The following B3GNT4 variants were observed in gnomAD, a reference collection of about 807,000 sequenced individuals.
B3GNT4 encodes N-acetyllactosaminide beta-1,3-N-acetylglucosaminyltransferase 4.
Under a neutral mutation model 2.7 loss-of-function variants are expected in B3GNT4, and 2 were observed. The ratio of observed to expected loss-of-function variants is 0.73; its 90% CI spans 0.30 to 2.31. B3GNT4 has a LOEUF of 2.31. B3GNT4 is among the 30% of genes most tolerant of loss of function. B3GNT4 has a pLI of 0.12. For synonymous variants in B3GNT4, 280 were observed against 203.4 expected (o/e 1.38, Z -3.20); for missense variants, 708 against 490.9 (o/e 1.44, Z -4.18).
chr12:122,208,501 G>A lies in B3GNT4; in HGVS notation c.*1113G>A, dbSNP rs909700188. 3 of 1,614,138 alleles carry A rather than the reference G, an allele frequency of 1.9e-6. No homozygotes were observed. Among genetic ancestry groups the A allele is most frequent in the Admixed American group, 1.7e-5 (1 of 60,030 alleles). Reference sequence around the variant, plus strand: ...CCAGCTTGGTTTCTGCTTTCCGGGAGAGCTGGTGCACCTCTTCCACCTGCA... The same window carrying A: ...CCAGCTTGGTTTCTGCTTTCCGGGAAAGCTGGTGCACCTCTTCCACCTGCA... On this transcript the variant is annotated 3_prime_UTR_variant, in exon 3 of 3. Transcript: ENST00000324189.
Position 122,206,662 on chromosome 12 carries a change from C to A in B3GNT4, c.411C>A (p.Ile137=), listed in dbSNP as rs373034990. Residue 137 remains isoleucine, a synonymous_variant, in exon 3 of 3, where the codon ATC becomes ATA. Transcript: ENST00000324189. ...QPGHVERRAA[I]RSTWGRVGGW... is the part of the protein sequence containing the mutation. The stretch of plus-strand genomic sequence containing the variant: ...GTCACGTGGAGCGACGTGCGGCTAT[C>A]CGCAGCACGTGGGGCAGGGTGGGGG... The A allele has an allele frequency of 7.6e-5, 122 of 1,613,588 alleles. 1 individual carries two copies. The South Asian group carries it at 1.1e-3, about 14-fold the overall frequency.
Position 122,206,825 on chromosome 12 carries a change from AACCTGACGCTCAAGGAGCTGC to A in B3GNT4, c.580_600del (p.Thr194_Leu200del). On this transcript the variant is annotated inframe_deletion, in exon 3 of 3. Coordinates refer to ENST00000324189, the MANE Select transcript of B3GNT4 (RefSeq NM_030765.4). The stretch of plus-strand genomic sequence containing the variant: ...GTGGGACTTCACTGAGGACTTCTTC[AACCTGACGCTCAAGGAGCTGC>A]ACCTGCAGCGCTGGGTGGTGGCTGC... 6.2e-7 allele frequency: 1 copy of A among 1,613,142 alleles called. No individual in the cohort carries two copies. The highest frequency in any genetic ancestry group is 1.1e-5 in the South Asian group (1 of 91,026).
At position 122,207,037 on chromosome 12, in the gene B3GNT4, C is replaced by T. The variant is rs1953933439; in HGVS notation, c.786C>T (p.Ile262=). 1 of 1,613,738 alleles carries T rather than the reference C, an allele frequency of 6.2e-7. No homozygotes were observed. The highest frequency in any genetic ancestry group is 8.5e-7 in the Non-Finnish European group (1 of 1,179,824). The change falls in exon 3 of 3, where the codon ATC becomes ATT. Residue 262 remains isoleucine, a synonymous_variant. Transcript: ENST00000324189. ...GGAACACTAAGGTCAAATACTTCAT[C>T]CCACCCTCAATGTACAGGGCCACCC... ...PNRNTKVKYF[I]PPSMYRATHY...
In B3GNT4 at chr12:122,208,810, A is replaced by G. The variant is rs545040398; in HGVS notation, c.*1422A>G. 32 of 631,128 alleles carry G rather than the reference A, an allele frequency of 5.1e-5. No homozygotes were observed. In the East Asian group the frequency reaches 1.1e-3, roughly 21 times the overall value. The allele number at this position is 631,128 out of a possible 1,614,324, so 39.1% of individuals were successfully genotyped here. On this transcript the variant is annotated 3_prime_UTR_variant, in exon 3 of 3. Coordinates refer to ENST00000324189, the MANE Select transcript of B3GNT4 (RefSeq NM_030765.4). The stretch of plus-strand genomic sequence containing the variant: ...TCTTCAGCTGTCAGCGGCCAACATC[A>G]CAATTATTAAATGCAACTCTCACAA...
Position 122,208,902 on chromosome 12 carries a change from ATTTC to A in B3GNT4, c.*1518_*1521del, listed in dbSNP as rs1262992936. The A allele has an allele frequency of 2.5e-6, 1 of 403,096 alleles. No individual in the cohort carries two copies. The highest frequency in any genetic ancestry group is 2.1e-5 in the African/African-American group (1 of 48,284). 25.0% of individuals were successfully genotyped at this position (403,096 alleles called of 1,614,324 possible). A position where few individuals can be genotyped will look rare whatever the true frequency, so the allele number is the denominator to read the frequency against. On this transcript the variant is annotated 3_prime_UTR_variant, in exon 3 of 3. Transcript: ENST00000324189. ...TAATTTTTTTAACTACACATCTTCCATTTCTTTTTGACAAAGAGATCATGAATAA... is the reference window on the plus strand; with the variant it reads ...TAATTTTTTTAACTACACATCTTCCATTTTTGACAAAGAGATCATGAATAA...
In B3GNT4 at chr12:122,204,658, G is replaced by A; in HGVS notation, c.40G>A (p.Gly14Ser). ...PQPSAAHQGR[G>S]GRSGLLPKGP... ...GCCTTCCGCAGCCCACCAGGGAAGGGGCGGTAGGAGTGGCCTTTTACCAAA... is the reference window on the plus strand; with the variant it reads ...GCCTTCCGCAGCCCACCAGGGAAGGAGCGGTAGGAGTGGCCTTTTACCAAA... The change falls in exon 2 of 3, where the codon GGC (glycine) becomes AGC (serine). Residue 14 changes from glycine to serine, a missense_variant. Physicochemically the swap from Gly to Ser is moderately conservative, Grantham distance 56. Coordinates refer to ENST00000324189, the MANE Select transcript of B3GNT4 (RefSeq NM_030765.4). The A allele has an allele frequency of 2.5e-6, 4 of 1,611,990 alleles. No individual in the cohort carries two copies. The highest frequency in any genetic ancestry group is 3.3e-4 in the Middle Eastern group (2 of 6,038).
In B3GNT4 at chr12:122,206,816, G is replaced by A; in HGVS notation, c.565G>A (p.Asp189Asn). The change falls in exon 3 of 3, where the codon GAC (aspartate) becomes AAC (asparagine). Residue 189 changes from aspartate (D) to asparagine (N), a missense_variant. Transcript: ENST00000324189. ...DDILQWDFTE[D>N]FFNLTLKELH... The stretch of plus-strand genomic sequence containing the variant: ...CATCCTCCAGTGGGACTTCACTGAG[G>A]ACTTCTTCAACCTGACGCTCAAGGA... The A allele has an allele frequency of 6.2e-7, 1 of 1,612,600 alleles. No individual in the cohort carries two copies. Among genetic ancestry groups the A allele is most frequent in the African/African-American group, 1.3e-5 (1 of 75,012 alleles).
chr12:122,204,007 G>C (rs958860256), intron 1 of B3GNT4, among the ~76,000 whole-genome samples: 1 of 151,738 alleles, frequency 6.6e-6, no homozygotes, highest in Non-Finnish European at 1.5e-5. Context: ...GCTCGGCTTC[G>C]GTTCTCCAGG....
At chr12:122,206,150 C>T (rs1249323208) in intron 2 of B3GNT4, 168 bp from the exon 3 acceptor site, 1 of 571,924 alleles carries the variant, frequency 1.7e-6, no homozygotes. Flanking sequence ...TGTGCTTAGC[C>T]CATCCTCAGG....
chr12:122,207,328 G>T lies in B3GNT4; in HGVS notation c.1077G>T (p.Met359Ile). 8 of 1,608,740 alleles carry T rather than the reference G, an allele frequency of 5.0e-6. No individual in the cohort carries two copies. Among genetic ancestry groups the T allele is most frequent in the Non-Finnish European group, 6.8e-6 (8 of 1,176,910 alleles). ...TCAGCCCCCTCGAGATGTGGACCAT[G>T]TGGGCACTGGTGACAGATGAGGGGC... is the stretch of plus-strand genomic sequence containing the variant. ...HRLSPLEMWTMWALVTDEGLK... is the reference protein window; with the variant it reads ...HRLSPLEMWTIWALVTDEGLK... The change falls in exon 3 of 3, where the codon ATG becomes ATT. Residue 359 changes from methionine to isoleucine, a missense_variant. By Grantham distance (10) the Met-to-Ile change is conservative. Transcript: ENST00000324189.
chr12:122,208,117 G>C lies in B3GNT4; in HGVS notation c.*729G>C, dbSNP rs949529514. 1.5e-6 allele frequency: 1 copy of C among 657,962 alleles called. No individual in the cohort carries two copies. Among genetic ancestry groups the C allele is most frequent in the Non-Finnish European group, 2.8e-6 (1 of 357,626 alleles). 40.8% of individuals were successfully genotyped at this position (657,962 alleles called of 1,614,324 possible). On this transcript the variant is annotated 3_prime_UTR_variant, in exon 3 of 3. Coordinates refer to ENST00000324189, the MANE Select transcript of B3GNT4 (RefSeq NM_030765.4). ...GTAGGCAAAATGCTTTGGGTGTGAG[G>C]TAAAAAAAATGGGTAAGAGCAGCTG...
In B3GNT4 at chr12:122,207,163, T is replaced by C; in HGVS notation, c.912T>C (p.Asp304=). ...AAGATGCTGAACTCTTCCCCATTGA[T>C]GATGTCTTTGTGGGTATGTGCCTGA... ...IMEDAELFPI[D]DVFVGMCLRR... The change falls in exon 3 of 3, where the codon GAT becomes GAC. Residue 304 remains aspartate (D), a synonymous_variant. Transcript: ENST00000324189. The C allele has an allele frequency of 6.2e-7, 1 of 1,614,030 alleles. No individual in the cohort carries two copies. Among genetic ancestry groups the C allele is most frequent in the Non-Finnish European group, 8.5e-7 (1 of 1,180,004 alleles).
rs1264186476 is a variant in B3GNT4 at position 122,206,362 on chromosome 12, C to T, written c.111C>T (p.Ser37=). The part of the protein sequence containing the change: ...LCRLCWLVSY[S]LAVLLLGCLL... The stretch of plus-strand genomic sequence containing the variant: ...GGCTGTGCTGGCTGGTCTCGTACAG[C>T]TTGGCTGTGCTGTTGCTCGGCTGCC... Residue 37 remains serine, a synonymous_variant, in exon 3 of 3, where the codon AGC becomes AGT. Transcript: ENST00000324189. 1.2e-6 allele frequency: 2 copies of T among 1,605,320 alleles called. No homozygotes were observed. The highest frequency in any genetic ancestry group is 2.2e-5 in the East Asian group (1 of 44,848).
chr12:122,208,096 G>A lies in B3GNT4; in HGVS notation c.*708G>A. On this transcript the variant is annotated 3_prime_UTR_variant, in exon 3 of 3. Coordinates refer to ENST00000324189, the MANE Select transcript of B3GNT4 (RefSeq NM_030765.4). ...GGACTCCTCTCTCTGACCCAGGTAG[G>A]CAAAATGCTTTGGGTGTGAGGTAAA... The A allele has an allele frequency of 1.6e-6, 1 of 630,690 alleles. No individual in the cohort carries two copies. Among genetic ancestry groups the A allele is most frequent in the South Asian group, 1.5e-5 (1 of 66,062 alleles). 39.1% of individuals were successfully genotyped at this position (630,690 alleles called of 1,614,324 possible).
In B3GNT4 at chr12:122,208,594, C is replaced by T; in HGVS notation, c.*1206C>T. 6.2e-7 allele frequency: 1 copy of T among 1,610,120 alleles called. No homozygotes were observed. The highest frequency in any genetic ancestry group is 1.3e-5 in the African/African-American group (1 of 75,034). On this transcript the variant is annotated 3_prime_UTR_variant, in exon 3 of 3. Coordinates refer to ENST00000324189, the MANE Select transcript of B3GNT4 (RefSeq NM_030765.4). ...GATCTGCGCCTGCCAAAAGATGGGA[C>T]AATCGGGTTGAGCAGCCGTGCAGGG...
chr12:122,204,971 A>T, intron 2 of B3GNT4: 1 of 445,130 alleles, frequency 2.2e-6, no homozygotes, highest in South Asian at 2.7e-5. Flanking sequence ...TCCAGGCTGC[A>T]GTGAGCTATA....
intron 1 of B3GNT4, 60 bp from the exon 2 acceptor site, chr12:122,204,462 C>G: frequency 1.4e-6 from 1 of 702,028 alleles, no homozygotes; most frequent in South Asian, 1.5e-5. Flanking sequence ...AACCAAGCCA[C>G]CTGCTGTGCG....
Position 122,204,697 on chromosome 12 carries a change from C to T in B3GNT4, c.66+13C>T, listed in dbSNP as rs12828049. 0.3 allele frequency: 469,191 copies of T among 1,587,890 alleles called. 74,962 individuals are homozygous for T. Among genetic ancestry groups the T allele is most frequent in the East Asian group, 0.55 (24,330 of 44,214 alleles). ...CCTTTTACCAAAGGTCAGATTCTTT[C>T]ACCGCCTCTGCCAGACCCCCTTGTC... is the stretch of plus-strand genomic sequence containing the variant. On this transcript the variant is annotated intron_variant, in intron 2 of 2. Coordinates refer to ENST00000324189, the MANE Select transcript of B3GNT4 (RefSeq NM_030765.4).
At chr12:122,206,272 C>A in intron 2 of B3GNT4, 46 bp from the exon 3 acceptor site, 1 of 1,474,506 alleles carries the variant, frequency 6.8e-7, no homozygotes, top group Non-Finnish European at 9.0e-7. Context: ...CTCTTGGGGA[C>A]AGGGACCCGG....
Sources: allele counts gnomAD v4.1 joint callset (sites outside exome capture counted in the v4.1 genomes callset), GRCh38; gene constraint gnomAD v4.1.1; transcripts MANE v1.5; gene names NCBI Gene and HGNC (gene_info 2026-07-23, HGNC 2026-07-21).